Variants in ADAMTS3 observed in about 807,000 individuals in gnomAD.
ADAMTS3 encodes ADAM metallopeptidase with thrombospondin type 1 motif 3, also known as A disintegrin and metalloproteinase with thrombospondin motifs 3.
In ADAMTS3, 73 loss-of-function variants were observed where a neutral mutation model predicts 129.0. That is an observed-to-expected ratio of 0.57 (90% CI 0.47 to 0.69). The LOEUF (loss-of-function observed/expected upper bound fraction) is 0.69, where lower values mean the gene tolerates loss of function less well. Among genes scored for constraint, ADAMTS3 ranks in the 30% least tolerant of loss-of-function variants. ADAMTS3 has a pLI of 0.00. For synonymous variants in ADAMTS3, 477 were observed against 510.8 expected (o/e 0.93, Z 0.89); for missense variants, 1,457 against 1,514.5 (o/e 0.96, Z 0.63).
At chr4:72,360,690 C>T (rs960105125) in intron 4 of ADAMTS3, among the ~76,000 whole-genome samples, 1 of 151,920 alleles carries the variant, frequency 6.6e-6, no homozygotes, top group East Asian at 1.9e-4. Context: ...GACTTTCATA[C>T]CTAAGATATT....
chr4:72,355,273 T>A (rs1897813), intron 4 of ADAMTS3, among the ~76,000 whole-genome samples: 11,591 of 151,900 alleles, frequency 0.076, 1,502 homozygotes, highest in African/African-American at 0.27. Flanking sequence ...AGCTCACATT[T>A]CTTCATTTAA....
chr4:72,449,856 C>T (rs1718347980), intron 3 of ADAMTS3, among the ~76,000 whole-genome samples: 1 of 151,696 alleles, frequency 6.6e-6, no homozygotes, highest in South Asian at 2.1e-4. Flanking sequence ...ACATCTGGCA[C>T]TTTCTTTTTT....
At chr4:72,464,324 T>C (rs966942206) in intron 3 of ADAMTS3, among the ~76,000 whole-genome samples, 2 of 151,950 alleles carry the variant, frequency 1.3e-5, no homozygotes. Flanking sequence ...GGTGAATAAA[T>C]GGTTATAGGT....
intron 3 of ADAMTS3, among the ~76,000 whole-genome samples, chr4:72,525,311 A>ATCCTTGTCCTCAGACTTTTCCCTGAAAC (rs1720779830): frequency 6.6e-6 from 1 of 152,210 alleles, no homozygotes; most frequent in South Asian, 2.1e-4. Flanking sequence ...CTTAGAAAAA[A>ATCCTTGTCCTCAGACTTTTCCCTGAAAC]TCCTTGTCCT....
At chr4:72,557,311 C>T (rs1021321354) in intron 2 of ADAMTS3, among the ~76,000 whole-genome samples, 4 of 151,694 alleles carry the variant, frequency 2.6e-5, no homozygotes, top group African/African-American at 9.7e-5. Flanking sequence ...TTAAGGAGGA[C>T]GCCAAATGCC....
intron 2 of ADAMTS3, 106 bp from the exon 3 acceptor site, chr4:72,548,990 C>T (rs1721542263): frequency 3.1e-6 from 3 of 977,862 alleles, no homozygotes; most frequent in East Asian, 5.0e-5. Context: ...CTTCAATGTG[C>T]ATAATATAGA....
chr4:72,292,777 C>T (rs553693064), intron 19 of ADAMTS3, among the ~76,000 whole-genome samples: 4 of 152,214 alleles, frequency 2.6e-5, no homozygotes, highest in East Asian at 1.9e-4. Flanking sequence ...ATATGAGGCA[C>T]CAAAATATAA....
At chr4:72,522,424 C>T (rs892710198) in intron 3 of ADAMTS3, among the ~76,000 whole-genome samples, 1 of 152,142 alleles carries the variant, frequency 6.6e-6, no homozygotes, top group African/African-American at 2.4e-5. Flanking sequence ...CCCACTACAT[C>T]ATCCTGGTTA....
At chr4:72,323,213 G>T in intron 5 of ADAMTS3, 116 bp from the exon 6 acceptor site, 2 of 751,338 alleles carry the variant, frequency 2.7e-6, no homozygotes, top group South Asian at 1.6e-5. Context: ...TTTTTAAATT[G>T]AGTTTAATAG....
intron 20 of ADAMTS3, among the ~76,000 whole-genome samples, chr4:72,289,184 A>G (rs560389922): frequency 9.2e-5 from 14 of 152,310 alleles, no homozygotes; most frequent in South Asian, 8.3e-4. Flanking sequence ...GCAAAGGAAC[A>G]AAGTGTATAA....
At chr4:72,370,827 A>G (rs1720987382) in intron 4 of ADAMTS3, among the ~76,000 whole-genome samples, 1 of 152,186 alleles carries the variant, frequency 6.6e-6, no homozygotes, top group Non-Finnish European at 1.5e-5. Context: ...ACGAATTATT[A>G]TTGTGGGTTG....
chr4:72,383,048 A>G (rs974235377), intron 4 of ADAMTS3, among the ~76,000 whole-genome samples: 2 of 152,330 alleles, frequency 1.3e-5, no homozygotes, highest in East Asian at 1.9e-4. Flanking sequence ...TAAATAAAAA[A>G]TTTAAAAAGA....
At chr4:72,298,477 T>G in intron 17 of ADAMTS3, 35 bp from the exon 18 acceptor site, 1 of 1,476,526 alleles carries the variant, frequency 6.8e-7, no homozygotes, top group Non-Finnish European at 9.1e-7. Flanking sequence ...GTAAATCACC[T>G]GAGGGTTTTA....
intron 3 of ADAMTS3, among the ~76,000 whole-genome samples, chr4:72,415,692 T>C (rs1165346383): frequency 6.6e-6 from 1 of 152,008 alleles, no homozygotes; most frequent in Non-Finnish European, 1.5e-5. Context: ...TTTATTGTTT[T>C]CTGATTCTGT....
At chr4:72,507,554 T>C (rs1720195818) in intron 3 of ADAMTS3, among the ~76,000 whole-genome samples, 1 of 152,212 alleles carries the variant, frequency 6.6e-6, no homozygotes, top group Admixed American at 6.5e-5. Context: ...AATATGTTTC[T>C]AGTATATTTC....
intron 2 of ADAMTS3, among the ~76,000 whole-genome samples, chr4:72,554,084 AT>A (rs1426781114): frequency 6.6e-6 from 1 of 152,158 alleles, no homozygotes; most frequent in African/African-American, 2.4e-5. Context: ...TAAATTCCTC[AT>A]TCTAGAGTTT....
intron 2 of ADAMTS3, among the ~76,000 whole-genome samples, chr4:72,549,968 GAA>G (rs1721574031): frequency 4.2e-5 from 1 of 23,604 alleles, no homozygotes; most frequent in Admixed American, 3.2e-4. Context: ...AAAAAAAGAA[GAA>G]GAAGAAGAAG....
intron 3 of ADAMTS3, among the ~76,000 whole-genome samples, chr4:72,520,828 C>T (rs114506919): frequency 0.011 from 1,634 of 152,124 alleles, 19 homozygotes; most frequent in South Asian, 0.045. Flanking sequence ...CTTCGGCTCG[C>T]GCATGATGTG....
intron 2 of ADAMTS3, among the ~76,000 whole-genome samples, chr4:72,563,306 C>T (rs1294555610): frequency 6.6e-6 from 1 of 152,144 alleles, no homozygotes; most frequent in Non-Finnish European, 1.5e-5. Context: ...AAGCCAACTC[C>T]ATTACCTTTA....
Sources: allele counts gnomAD v4.1 joint callset (sites outside exome capture counted in the v4.1 genomes callset), GRCh38; gene constraint gnomAD v4.1.1; transcripts MANE v1.5; gene names NCBI Gene and HGNC (gene_info 2026-07-23, HGNC 2026-07-21).